PRUNE1: variants seen among roughly 807,000 people sequenced by gnomAD.
PRUNE1 encodes exopolyphosphatase PRUNE1.
Under a neutral mutation model 42.5 loss-of-function variants are expected in PRUNE1, and 25 were observed. The observed-to-expected ratio is 0.59, with a 90% CI of 0.43 to 0.82. The LOEUF is 0.82. Ranked by LOEUF, PRUNE1 falls within the 40% of genes least tolerant of loss-of-function variation. The pLI is 0.00. For missense variants in PRUNE1, 443 were observed against 539.3 expected, an observed-to-expected ratio of 0.82 and a Z score of 1.77; for synonymous variants, 203 against 217.1, an observed-to-expected ratio of 0.93 and a Z score of 0.57.
chr1:151,014,864 A>G (rs190222904), intron 1 of PRUNE1, among the ~76,000 whole-genome samples: 398 of 152,318 alleles, frequency 2.6e-3, no homozygotes, highest in Admixed American at 7.1e-3. Context: ...ATCCTGCCAA[A>G]TATCCTATAA....
Position 151,024,480 on chromosome 1 carries a change from A to G in PRUNE1, c.336-131A>G, listed in dbSNP as rs1011200532. The G allele has an allele frequency of 1.4e-5, 12 of 858,026 alleles. No individual in the cohort carries two copies. The African/African-American group carries it at 2.0e-4, about 15-fold the overall frequency. 53.2% of individuals were successfully genotyped at this position (858,026 alleles called of 1,614,324 possible). A position where few individuals can be genotyped will look rare whatever the true frequency, so the allele number is the denominator to read the frequency against. On this transcript the variant is annotated intron_variant, in intron 3 of 7. Transcript: ENST00000271620. ...ATTGCACTCTAGCCTGGGCGACAAGAGTGAAACTCCGTCTCAAAAAAAAAA... is the reference window on the plus strand; with the variant it reads ...ATTGCACTCTAGCCTGGGCGACAAGGGTGAAACTCCGTCTCAAAAAAAAAA...
chr1:151,022,859 C>T (rs2102921539), intron 3 of PRUNE1: 1 of 152,244 alleles, frequency 6.6e-6, no homozygotes, highest in South Asian at 2.1e-4. Flanking sequence ...GCACTGATCT[C>T]AGTCTTGAAA....
At chr1:151,010,293 A>C (rs748216590) in intron 1 of PRUNE1, among the ~76,000 whole-genome samples, 2 of 152,036 alleles carry the variant, frequency 1.3e-5, no homozygotes, top group Non-Finnish European at 2.9e-5. Flanking sequence ...CATGCTGCCC[A>C]ATCTGGTTTC....
intron 7 of PRUNE1, among the ~76,000 whole-genome samples, chr1:151,030,724 G>A (rs1675191818): frequency 6.6e-6 from 1 of 152,136 alleles, no homozygotes; most frequent in Non-Finnish European, 1.5e-5. Flanking sequence ...GACCTCAAGT[G>A]ATCCACCTGC....
chr1:151,015,731 G>A (rs1357110345), intron 1 of PRUNE1, among the ~76,000 whole-genome samples: 2 of 151,908 alleles, frequency 1.3e-5, no homozygotes, highest in African/African-American at 4.8e-5. Context: ...CTGAGTCTGG[G>A]AGGTGGAGTC....
At chr1:151,013,033 G>A (rs994609885) in intron 1 of PRUNE1, among the ~76,000 whole-genome samples, 2 of 152,142 alleles carry the variant, frequency 1.3e-5, no homozygotes, top group Non-Finnish European at 2.9e-5. Context: ...AAAGTGCTGG[G>A]ATCATAGGTG....
chr1:151,027,151 A>ACCCATCTGGCTGTCCTTGC, intron 5 of PRUNE1, 82 bp from the exon 6 acceptor site: 3 of 914,254 alleles, frequency 3.3e-6, no homozygotes, highest in Non-Finnish European at 5.2e-6. Flanking sequence ...TCCTTCCTTG[A>ACCCATCTGGCTGTCCTTGC]CCCATCTGGC....
intron 4 of PRUNE1, 144 bp from the exon 5 acceptor site, chr1:151,025,371 A>G: frequency 2.5e-6 from 2 of 786,500 alleles, no homozygotes; most frequent in Non-Finnish European, 3.9e-6. Flanking sequence ...GACACTGTCC[A>G]TCCCAGTTTC....
chr1:151,021,181 G>T (rs587756225), intron 3 of PRUNE1, among the ~76,000 whole-genome samples: 1 of 151,678 alleles, frequency 6.6e-6, no homozygotes, highest in African/African-American at 2.4e-5. Flanking sequence ...CAGGCCGGGC[G>T]TGGTGGCTCA....
intron 2 of PRUNE1, 48 bp from the exon 3 acceptor site, chr1:151,018,419 C>G: frequency 6.7e-7 from 1 of 1,498,198 alleles, no homozygotes; most frequent in Non-Finnish European, 9.3e-7. Context: ...TTACTTTTTC[C>G]TGTCATTATA....
intron 6 of PRUNE1, among the ~76,000 whole-genome samples, chr1:151,028,406 A>C (rs1675014435): frequency 6.6e-6 from 1 of 151,226 alleles, no homozygotes; most frequent in African/African-American, 2.4e-5. Flanking sequence ...TGCCCAGCTA[A>C]TTTTTTGTTT....
rs761185494 is a variant in PRUNE1, at chr1:151,028,813, G to A, written c.802G>A (p.Ala268Thr). Residue 268 changes from alanine to threonine, a missense_variant, in exon 7 of 8, where the codon GCA becomes ACA. Physicochemically the swap from Ala to Thr is moderately conservative, Grantham distance 58 (BLOSUM62 0). Coordinates refer to ENST00000271620, the MANE Select transcript of PRUNE1 (RefSeq NM_021222.3). ...CTTTCTGCAGAGGTCTAACCTCCTTGCAGATCTCCATGCTTTCTGCCAGGC... is the reference window on the plus strand; with the variant it reads ...CTTTCTGCAGAGGTCTAACCTCCTTACAGATCTCCATGCTTTCTGCCAGGC... ...EAFLQRSNLL[A>T]DLHAFCQAHS... is the part of the protein sequence containing the mutation. The A allele has an allele frequency of 1.9e-6, 3 of 1,614,082 alleles. No homozygotes were observed. The South Asian group carries it at 3.3e-5, about 18-fold the overall frequency.
At chr1:151,026,624 A>C (rs1054642381) in intron 5 of PRUNE1, among the ~76,000 whole-genome samples, 4 of 150,156 alleles carry the variant, frequency 2.7e-5, no homozygotes, top group Admixed American at 1.3e-4. Flanking sequence ...AAGAGAACCC[A>C]AAAAAAACTG....
intron 5 of PRUNE1, among the ~76,000 whole-genome samples, chr1:151,026,401 T>C (rs1200333446): frequency 6.6e-6 from 1 of 151,756 alleles, no homozygotes; most frequent in East Asian, 1.9e-4. Flanking sequence ...GAGGTTGCAG[T>C]GAGCCGAGAT....
At chr1:151,026,176 G>C (rs992308481) in intron 5 of PRUNE1, among the ~76,000 whole-genome samples, 2 of 151,540 alleles carry the variant, frequency 1.3e-5, no homozygotes, top group African/African-American at 4.8e-5. Context: ...CCTCAGAAGG[G>C]CCAGACGCAG....
chr1:151,018,446 T>G, intron 2 of PRUNE1, 21 bp from the exon 3 acceptor site: 1 of 1,585,380 alleles, frequency 6.3e-7, no homozygotes, highest in Non-Finnish European at 8.7e-7. Flanking sequence ...TGTGATACCT[T>G]CTTTTCACTT....
At position 151,027,316 on chromosome 1, in the gene PRUNE1, A is replaced by G. The variant is rs587757975; in HGVS notation, c.763A>G (p.Met255Val). 542 of 1,603,402 alleles carry G rather than the reference A, an allele frequency of 3.4e-4. 9 individuals carry two copies. The South Asian group carries it at 5.7e-3, about 17-fold the overall frequency. Reference sequence around the variant, plus strand: ...CAAGGTGGCCATTAGTGCAATATATATGGATTTGGAGGTAAGAGCAAGTTG... The same window carrying G: ...CAAGGTGGCCATTAGTGCAATATATGTGGATTTGGAGGTAAGAGCAAGTTG... The part of the protein sequence containing the change: ...GVKVAISAIY[M>V]DLEAFLQRSN... The change falls in exon 6 of 8, where the codon ATG (methionine) becomes GTG (valine). Residue 255 changes from methionine (M) to valine (V), a missense_variant. Coordinates refer to ENST00000271620, the MANE Select transcript of PRUNE1 (RefSeq NM_021222.3).
intron 7 of PRUNE1, among the ~76,000 whole-genome samples, chr1:151,030,345 A>C (rs1675166508): frequency 6.6e-6 from 1 of 151,710 alleles, no homozygotes. Context: ...TGCTAAAGAC[A>C]GAATACAGCC....
chr1:151,028,596 G>C (rs948648612), intron 6 of PRUNE1, among the ~76,000 whole-genome samples, 190 bp from the exon 7 acceptor site: 1 of 151,994 alleles, frequency 6.6e-6, no homozygotes, highest in African/African-American at 2.4e-5. Context: ...GCTAATTTTT[G>C]TATTTTTACC....
Sources: gnomAD v4.1 joint callset for allele counts (sites outside exome capture counted in the v4.1 genomes callset) on GRCh38, gnomAD v4.1.1 for gene constraint, MANE v1.5 for transcripts, NCBI Gene and HGNC (gene_info 2026-07-23, HGNC 2026-07-21) for gene names.